Variants in SLC24A2 observed in about 807,000 individuals in gnomAD.
SLC24A2 encodes sodium/potassium/calcium exchanger 2.
In SLC24A2, 36 loss-of-function variants were observed where a neutral mutation model predicts 62.0. The ratio of observed to expected loss-of-function variants is 0.58; its 90% CI spans 0.44 to 0.77. The LOEUF is 0.77. Among genes scored for constraint, SLC24A2 ranks in the 30% least tolerant of loss-of-function variants. The pLI is 0.00. For synonymous variants in SLC24A2, 358 were observed against 294.0 expected (o/e 1.22, Z -2.23); for missense variants, 846 against 817.9 (o/e 1.03, Z -0.42).
chr9:19,934,699 C>G, the SLC24A2 span, among the ~76,000 whole-genome samples: 2 of 152,156 alleles, frequency 1.3e-5, no homozygotes, highest in African/African-American at 4.8e-5. This position sits in a 1 kb window ranked among gnomAD's most constrained non-coding sequence, Gnocchi z 4.1. Context: ...AAGAGCTTTC[C>G]GAGAGGAAAC....
chr9:20,029,294 G>A, the SLC24A2 span, among the ~76,000 whole-genome samples: 1 of 152,216 alleles, frequency 6.6e-6, no homozygotes, highest in African/African-American at 2.4e-5. Context: ...AGAGCTGTGT[G>A]TCACCCTTGG....
At chr9:19,842,497 T>C in the SLC24A2 span, among the ~76,000 whole-genome samples, 2 of 152,198 alleles carry the variant, frequency 1.3e-5, no homozygotes, top group East Asian at 3.9e-4. Context: ...ATGGCCAGAA[T>C]ACATGGGTCC....
chr9:19,521,032 T>C lies in SLC24A2; in HGVS notation c.1598A>G (p.Glu533Gly). The C allele has an allele frequency of 1.2e-6, 2 of 1,614,100 alleles. No homozygotes were observed. The highest frequency in any genetic ancestry group is 1.7e-6 in the Non-Finnish European group (2 of 1,179,986). The change falls in exon 10 of 11, where the codon GAG becomes GGG. Residue 533 changes from glutamate (E) to glycine (G), a missense_variant. Physicochemically the swap from Glu to Gly is moderately conservative, Grantham distance 98. Coordinates refer to ENST00000341998, the MANE Select transcript of SLC24A2 (RefSeq NM_020344.4). ...QVGETIGISE[E>G]IMGLTILAAG... is the part of the protein sequence containing the mutation. ...AGCCAAGATGGTCAGGCCCATAATC[T>C]CTTCACTGATGCCAATTGTCTCTCC...
chr9:20,170,458 T>A, the SLC24A2 span, among the ~76,000 whole-genome samples: 7 of 152,014 alleles, frequency 4.6e-5, no homozygotes, highest in Admixed American at 1.3e-4. Context: ...GCTGAGCCGA[T>A]TGGCTACTTG....
At chr9:20,026,208 T>TA in the SLC24A2 span, among the ~76,000 whole-genome samples, 90 of 151,906 alleles carry the variant, frequency 5.9e-4, 1 homozygote, top group Middle Eastern at 0.024. Flanking sequence ...ATTAAGGTGG[T>TA]AAAAAAAATA....
intron 2 of SLC24A2, among the ~76,000 whole-genome samples, chr9:19,703,640 G>A (rs1820421493): frequency 6.6e-6 from 1 of 152,132 alleles, no homozygotes; most frequent in Non-Finnish European, 1.5e-5. Flanking sequence ...TGTGTTGAAG[G>A]GTGGATAAAA....
At chr9:20,200,443 C>G in the SLC24A2 span, among the ~76,000 whole-genome samples, 1 of 152,216 alleles carries the variant, frequency 6.6e-6, no homozygotes, top group African/African-American at 2.4e-5. Flanking sequence ...GACTTTGATT[C>G]TCACAAATTT....
At chr9:20,041,149 T>TACGCGTGCGCGCGTGCGC in the SLC24A2 span, among the ~76,000 whole-genome samples, 1 of 151,690 alleles carries the variant, frequency 6.6e-6, no homozygotes, top group African/African-American at 2.4e-5. Flanking sequence ...TGCGTGTGTG[T>TACGCGTGCGCGCGTGCGC]ACGCGTGCGC....
chr9:19,980,421 C>T, the SLC24A2 span, among the ~76,000 whole-genome samples: 1 of 152,088 alleles, frequency 6.6e-6, no homozygotes, highest in East Asian at 1.9e-4. Flanking sequence ...AATGGTTGCA[C>T]CATCAAGTGC....
chr9:19,622,394 G>T, intron 2 of SLC24A2, 95 bp from the exon 3 acceptor site: 1 of 1,260,150 alleles, frequency 7.9e-7, no homozygotes, highest in Non-Finnish European at 1.1e-6. Flanking sequence ...CATCAGTATA[G>T]GGGAAGATTT....
At chr9:19,544,989 G>A (rs928232728) in intron 8 of SLC24A2, among the ~76,000 whole-genome samples, 29 of 152,266 alleles carry the variant, frequency 1.9e-4, no homozygotes, top group African/African-American at 7.0e-4. Context: ...CTAGGTTGGG[G>A]AACTTCTCCT....
chr9:19,855,286 T>G, the SLC24A2 span, among the ~76,000 whole-genome samples: 3 of 152,210 alleles, frequency 2.0e-5, no homozygotes, highest in Non-Finnish European at 2.9e-5. Context: ...TTAGCCCACT[T>G]ATATTTAAGG....
the SLC24A2 span, among the ~76,000 whole-genome samples, chr9:19,837,421 C>T: frequency 3.5e-4 from 44 of 125,066 alleles, no homozygotes; most frequent in East Asian, 4.7e-3. Context: ...CACTGCAGTC[C>T]GCAGTCCGGC....
chr9:19,611,047 C>G (rs750997932), intron 4 of SLC24A2, among the ~76,000 whole-genome samples: 6 of 152,070 alleles, frequency 3.9e-5, no homozygotes, highest in Non-Finnish European at 8.8e-5. Flanking sequence ...AGTGAGAACT[C>G]GGATTCACTT....
At chr9:19,829,982 G>A in the SLC24A2 span, among the ~76,000 whole-genome samples, 1 of 151,556 alleles carries the variant, frequency 6.6e-6, no homozygotes, top group Non-Finnish European at 1.5e-5. Flanking sequence ...GATATAAGAG[G>A]AAGAGTAAAT....
At chr9:20,014,911 G>A in the SLC24A2 span, among the ~76,000 whole-genome samples, 4 of 152,146 alleles carry the variant, frequency 2.6e-5, no homozygotes, top group African/African-American at 9.6e-5. Flanking sequence ...TGATACGTAA[G>A]TATGGTGATA....
chr9:19,869,504 AG>A, the SLC24A2 span, among the ~76,000 whole-genome samples: 1 of 152,044 alleles, frequency 6.6e-6, no homozygotes, highest in Non-Finnish European at 1.5e-5. Context: ...TAACTTTTAC[AG>A]GTTGCATAAA....
Position 19,535,795 on chromosome 9 carries a change from T to C in SLC24A2, c.1480-7657A>G, listed in dbSNP as rs187736136. ...AGGTAGTGTGATGCCTCCAGCTTTG[T>C]TCTTTGCTTAGGATTGCCTTGGCTA... On this transcript the variant is annotated intron_variant, in intron 8 of 10. Transcript: ENST00000341998. Among the ~76,000 whole-genome samples the C allele has an allele frequency of 5.9e-5, 9 of 152,314 alleles. 1 individual carries two copies. Among genetic ancestry groups the C allele is most frequent in the Admixed American group, 4.6e-4 (7 of 15,302 alleles).
At chr9:19,561,469 C>T (rs1002884463) in intron 7 of SLC24A2, among the ~76,000 whole-genome samples, 2 of 137,788 alleles carry the variant, frequency 1.5e-5, no homozygotes, top group South Asian at 4.5e-4. Flanking sequence ...GAGTCTTGCT[C>T]TGTTGCCCAG....
Sources: gnomAD v4.1 joint callset for allele counts (sites outside exome capture counted in the v4.1 genomes callset) on GRCh38, gnomAD v4.1.1 for gene constraint, Gnocchi (gnomAD v3.1) non-coding constraint, MANE v1.5 for transcripts, NCBI Gene and HGNC (gene_info 2026-07-23, HGNC 2026-07-21) for gene names.